SLC35F4: variants seen among roughly 807,000 people sequenced by gnomAD.
The protein encoded by SLC35F4 is solute carrier family 35 member F4.
A neutral mutation model predicts 44.2 loss-of-function variants in SLC35F4; 24 were observed. The observed-to-expected ratio is 0.54, with a 90% CI of 0.39 to 0.76. The LOEUF (loss-of-function observed/expected upper bound fraction) is 0.76. SLC35F4 is among the 30% of genes least tolerant of loss of function. SLC35F4 has a pLI of 0.00. For missense variants in SLC35F4, 562 were observed against 586.1 expected, an observed-to-expected ratio of 0.96 and a Z score of 0.42; for synonymous variants, 238 against 223.6, an observed-to-expected ratio of 1.06 and a Z score of -0.57.
intron 1 of SLC35F4, among the ~76,000 whole-genome samples, chr14:57,944,690 G>GAAAGA (rs751918784): frequency 1.1e-5 from 1 of 88,768 alleles, no homozygotes; most frequent in Non-Finnish European, 2.4e-5. Context: ...AGAAAAGAAA[G>GAAAGA]AAAGAAAAGA....
At chr14:57,809,064 C>T (rs1881673600) in intron 1 of SLC35F4, among the ~76,000 whole-genome samples, 1 of 152,108 alleles carries the variant, frequency 6.6e-6, no homozygotes, top group Admixed American at 6.5e-5. Flanking sequence ...TTTATTCCTC[C>T]TATGCACCCC....
chr14:57,863,255 T>C (rs1887832672), intron 1 of SLC35F4, among the ~76,000 whole-genome samples: 1 of 152,242 alleles, frequency 6.6e-6, no homozygotes, highest in African/African-American at 2.4e-5. Flanking sequence ...AATGCCCTAT[T>C]GCCCATTAAA....
chr14:57,767,816 A>G (rs1019812727), intron 1 of SLC35F4, among the ~76,000 whole-genome samples: 1 of 152,192 alleles, frequency 6.6e-6, no homozygotes, highest in African/African-American at 2.4e-5. Context: ...AAGATCAAGT[A>G]TGGAACAAAG....
At chr14:57,892,250 G>A (rs1217934701) in intron 1 of SLC35F4, among the ~76,000 whole-genome samples, 3 of 152,282 alleles carry the variant, frequency 2.0e-5, no homozygotes, top group South Asian at 4.2e-4. Flanking sequence ...CATATTGCAG[G>A]GAGGATCTCA....
At chr14:57,742,487 A>G (rs922534069) in intron 1 of SLC35F4, among the ~76,000 whole-genome samples, 2 of 152,248 alleles carry the variant, frequency 1.3e-5, no homozygotes, top group African/African-American at 4.8e-5. Context: ...AGGCCATTAC[A>G]TAATGGTAAA....
intron 1 of SLC35F4, among the ~76,000 whole-genome samples, chr14:57,651,444 G>C (rs1024000084): frequency 3.9e-5 from 6 of 152,120 alleles, no homozygotes; most frequent in Non-Finnish European, 7.4e-5. Flanking sequence ...CCCAGCTCTA[G>C]TGATGTCTGA....
At chr14:57,625,367 C>A (rs2140108793) in intron 1 of SLC35F4, among the ~76,000 whole-genome samples, 1 of 152,234 alleles carries the variant, frequency 6.6e-6, no homozygotes, top group African/African-American at 2.4e-5. Flanking sequence ...ATAAAAATGG[C>A]CATACTGCCC....
At chr14:57,699,239 A>T (rs1013080692) in intron 1 of SLC35F4, among the ~76,000 whole-genome samples, 3 of 152,224 alleles carry the variant, frequency 2.0e-5, no homozygotes, top group Non-Finnish European at 2.9e-5. Context: ...TGCACTTCAT[A>T]CAAAAGAACA....
chr14:57,675,080 C>T (rs1010681813), intron 1 of SLC35F4, among the ~76,000 whole-genome samples: 2 of 152,004 alleles, frequency 1.3e-5, no homozygotes, highest in Non-Finnish European at 2.9e-5. Context: ...CTAGAGGCAG[C>T]AAATTCATTT....
intron 1 of SLC35F4, among the ~76,000 whole-genome samples, chr14:57,811,031 G>A (rs1881907210): frequency 6.6e-6 from 1 of 152,188 alleles, no homozygotes; most frequent in Non-Finnish European, 1.5e-5. Flanking sequence ...TGACTTCAAA[G>A]TAGAGGACAC....
intron 1 of SLC35F4, among the ~76,000 whole-genome samples, chr14:57,838,356 T>C (rs1885151214): frequency 6.6e-6 from 1 of 152,194 alleles, no homozygotes; most frequent in Admixed American, 6.5e-5. Flanking sequence ...TCCCTAAACA[T>C]TCTATGTGCT....
chr14:57,908,502 C>T (rs1330592400), intron 1 of SLC35F4, among the ~76,000 whole-genome samples: 2 of 151,786 alleles, frequency 1.3e-5, no homozygotes, highest in Non-Finnish European at 2.9e-5. Context: ...GATGGTATCT[C>T]GTTGTGGTTT....
At chr14:57,950,678 T>TC (rs1890120670) in intron 1 of SLC35F4, among the ~76,000 whole-genome samples, 1 of 148,362 alleles carries the variant, frequency 6.7e-6, no homozygotes, top group African/African-American at 2.5e-5. Flanking sequence ...TTTCTTTCTT[T>TC]TTTTTTTTTG....
chr14:57,904,455 T>A (rs1392951438), intron 1 of SLC35F4, among the ~76,000 whole-genome samples: 1 of 152,174 alleles, frequency 6.6e-6, no homozygotes, highest in African/African-American at 2.4e-5. Flanking sequence ...CACTCCAAGA[T>A]TGGGATACTC....
At chr14:57,854,351 T>A (rs1886876466) in intron 1 of SLC35F4, among the ~76,000 whole-genome samples, 1 of 152,160 alleles carries the variant, frequency 6.6e-6, no homozygotes. Context: ...AAAGACTATG[T>A]AGAAACATGT....
At chr14:57,861,019 A>G (rs1257285794) in intron 1 of SLC35F4, among the ~76,000 whole-genome samples, 1 of 152,288 alleles carries the variant, frequency 6.6e-6, no homozygotes, top group African/African-American at 2.4e-5. Flanking sequence ...TTACTGTGTT[A>G]ATGAATGAGC....
chr14:57,954,671 C>A (rs1223777562), intron 1 of SLC35F4, among the ~76,000 whole-genome samples: 2 of 152,100 alleles, frequency 1.3e-5, no homozygotes, highest in African/African-American at 4.8e-5. Context: ...ACTAGAAAAT[C>A]TAAAAGAAAT....
At chr14:57,957,523 A>G (rs1335389156) in intron 1 of SLC35F4, among the ~76,000 whole-genome samples, 1 of 152,230 alleles carries the variant, frequency 6.6e-6, no homozygotes, top group African/African-American at 2.4e-5. Context: ...CTCAAAATCA[A>G]TACTCACGGC....
chr14:57,761,254 C>A (rs2077118096), intron 1 of SLC35F4, among the ~76,000 whole-genome samples: 1 of 152,130 alleles, frequency 6.6e-6, no homozygotes, highest in Admixed American at 6.6e-5. Flanking sequence ...GTCTCCATGA[C>A]CTCATCTTGG....
Sources: gnomAD v4.1 joint callset for allele counts (sites outside exome capture counted in the v4.1 genomes callset) on GRCh38, gnomAD v4.1.1 for gene constraint, MANE v1.5 for transcripts, NCBI Gene and HGNC (gene_info 2026-07-23, HGNC 2026-07-21) for gene names.